Variants in PLEKHA1 observed in about 807,000 individuals in gnomAD.
PLEKHA1 encodes pleckstrin homology domain containing A1, also known as pleckstrin homology domain-containing family A member 1.
Under a neutral mutation model 52.0 loss-of-function variants are expected in PLEKHA1, and 34 were observed. The ratio of observed to expected loss-of-function variants is 0.65; its 90% CI spans 0.50 to 0.87. PLEKHA1 has a LOEUF of 0.87. Ranked by LOEUF, PLEKHA1 falls within the 40% of genes least tolerant of loss-of-function variation. The probability of loss-of-function intolerance (pLI) is 0.00; values close to 1 mark genes in which losing one functional copy is unlikely to be tolerated. For synonymous variants in PLEKHA1, 163 were observed against 170.7 expected (o/e 0.95, Z 0.35); for missense variants, 497 against 504.2 (o/e 0.99, Z 0.14).
At chr10:122,380,393 A>G (rs2096598004) in intron 1 of PLEKHA1, among the ~76,000 whole-genome samples, 1 of 152,214 alleles carries the variant, frequency 6.6e-6, no homozygotes, top group African/African-American at 2.4e-5. Context: ...TCATTAGATA[A>G]TCAATAAATG....
downstream of PLEKHA1, chr10:122,434,184 A>G (rs917508708): frequency 1.3e-5 from 2 of 152,172 alleles, no homozygotes; most frequent in Non-Finnish European, 2.9e-5. Flanking sequence ...GGTCTTGTTG[A>G]TGCTGCTCCA....
rs2097127920 is a variant in PLEKHA1 at position 122,412,991 on chromosome 10, A to G, written c.414A>G (p.Gln138=). The change falls in exon 6 of 12, where the codon CAA becomes CAG. Residue 138 remains glutamine, a synonymous_variant. Coordinates refer to ENST00000368990, the MANE Select transcript of PLEKHA1 (RefSeq NM_001001974.4). ...LSRHGECGKK[Q]VSYRTDIVGG... is the part of the protein sequence containing the mutation. ...GCCATGGTGAATGTGGGAAAAAGCA[A>G]GTGTCTTACAGAACTGATATTGTTG... 6.2e-7 allele frequency: 1 copy of G among 1,613,590 alleles called. No homozygotes were observed. The highest frequency in any genetic ancestry group is 1.3e-5 in the African/African-American group (1 of 75,024).
At chr10:122,413,124 C>T in intron 6 of PLEKHA1, 79 bp downstream of exon 6, 2 of 1,245,282 alleles carry the variant, frequency 1.6e-6, no homozygotes, top group Non-Finnish European at 2.2e-6. Flanking sequence ...TAAAACAGTG[C>T]ATCTTTGCTT....
chr10:122,393,492 C>G lies in PLEKHA1; in HGVS notation c.141+151C>G. ...GTCCTCTCTGCCCTGCACCCCTGACCTCTACTGTTTTGTTTGAATTTCAGA... is the reference window on the plus strand; with the variant it reads ...GTCCTCTCTGCCCTGCACCCCTGACGTCTACTGTTTTGTTTGAATTTCAGA... On this transcript the variant is annotated intron_variant, in intron 2 of 11. Transcript: ENST00000368990. This position sits in a 1 kb window ranked among gnomAD's most constrained non-coding sequence, Gnocchi z 4.5. The G allele has an allele frequency of 1.6e-6, 1 of 628,652 alleles. No individual in the cohort carries two copies. The highest frequency in any genetic ancestry group is 2.3e-6 in the Non-Finnish European group (1 of 425,558). The allele number at this position is 628,652 out of a possible 1,614,324, so 38.9% of individuals were successfully genotyped here.
intron 9 of PLEKHA1, 117 bp from the exon 10 acceptor site, chr10:122,424,779 C>T (rs1038697058): frequency 3.2e-5 from 20 of 634,104 alleles, no homozygotes; most frequent in Non-Finnish European, 4.8e-5. Flanking sequence ...TTTGGGTTTG[C>T]TAAATCAGTG....
At chr10:122,380,703 A>T (rs527593620) in intron 1 of PLEKHA1, among the ~76,000 whole-genome samples, 224 of 152,292 alleles carry the variant, frequency 1.5e-3, no homozygotes, top group Non-Finnish European at 2.7e-3. Context: ...TTGGCCGAAC[A>T]TTAGAATGAT....
At chr10:122,407,451 G>GTATC (rs1254604683) in intron 5 of PLEKHA1, among the ~76,000 whole-genome samples, 1 of 152,168 alleles carries the variant, frequency 6.6e-6, no homozygotes, top group African/African-American at 2.4e-5. Flanking sequence ...GTTATAGCTG[G>GTATC]TAGATTATGG....
chr10:122,430,574 T>C lies in PLEKHA1; in HGVS notation c.*636T>C. Reference sequence around the variant, plus strand: ...ATAGAGAAAAGAAGAAAACTAGAATTGAAACAACTGTGTCTTAGACATTTG... The same window carrying C: ...ATAGAGAAAAGAAGAAAACTAGAATCGAAACAACTGTGTCTTAGACATTTG... On this transcript the variant is annotated 3_prime_UTR_variant, in exon 12 of 12. Transcript: ENST00000368990. 1 of 152,528 alleles carries C rather than the reference T, an allele frequency of 6.6e-6. No homozygotes were observed. Among genetic ancestry groups the C allele is most frequent in the Non-Finnish European group, 1.5e-5 (1 of 68,054 alleles). 9.4% of individuals were successfully genotyped at this position (152,528 alleles called of 1,614,324 possible).
At chr10:122,410,075 G>A (rs958589864) in intron 5 of PLEKHA1, among the ~76,000 whole-genome samples, 3 of 152,076 alleles carry the variant, frequency 2.0e-5, no homozygotes, top group Non-Finnish European at 4.4e-5. Flanking sequence ...GAGCCACCGC[G>A]CCTAGCCCAA....
In PLEKHA1 at chr10:122,393,371, A is replaced by C. The variant is rs1234678603; in HGVS notation, c.141+30A>C. On this transcript the variant is annotated intron_variant, in intron 2 of 11. Coordinates refer to ENST00000368990, the MANE Select transcript of PLEKHA1 (RefSeq NM_001001974.4). This position sits in a 1 kb window ranked among gnomAD's most constrained non-coding sequence, Gnocchi z 4.5. Reference sequence around the variant, plus strand: ...GTAAAATCCCAAGGATTATCTTTTAAAAGCACAGAAAGTTGTATTTAAGTA... The same window carrying C: ...GTAAAATCCCAAGGATTATCTTTTACAAGCACAGAAAGTTGTATTTAAGTA... 1.3e-6 allele frequency: 2 copies of C among 1,567,216 alleles called. No individual in the cohort carries two copies. Among genetic ancestry groups the C allele is most frequent in the Non-Finnish European group, 1.7e-6 (2 of 1,158,694 alleles).
At chr10:122,389,635 G>A (rs1455426291) in intron 1 of PLEKHA1, among the ~76,000 whole-genome samples, 1 of 152,136 alleles carries the variant, frequency 6.6e-6, no homozygotes, top group East Asian at 1.9e-4. Flanking sequence ...GCTTGAACCT[G>A]GGAGGTGGAG....
rs142473166 is a variant in PLEKHA1 at position 122,415,920 on chromosome 10, G to A, written c.530G>A (p.Ser177Asn). Residue 177 changes from serine to asparagine, a missense_variant, in exon 7 of 12, where the codon AGC becomes AAC. By Grantham distance (46) the Ser-to-Asn change is conservative. Coordinates refer to ENST00000368990, the MANE Select transcript of PLEKHA1 (RefSeq NM_001001974.4). ...AGAAATAATCTGAAACGGTCACAAAGCCATCTTCCTTACTTTACTCCTAAA... is the reference window on the plus strand; with the variant it reads ...AGAAATAATCTGAAACGGTCACAAAACCATCTTCCTTACTTTACTCCTAAA... ...IDRNNLKRSQ[S>N]HLPYFTPKPP... The A allele has an allele frequency of 1.5e-3, 2,403 of 1,613,482 alleles. 11 individuals are homozygous for A. Among genetic ancestry groups the A allele is most frequent in the Middle Eastern group, 0.013 (80 of 6,058 alleles).
chr10:122,417,614 C>A (rs1476341165), intron 7 of PLEKHA1, among the ~76,000 whole-genome samples: 7 of 147,422 alleles, frequency 4.7e-5, no homozygotes, highest in Non-Finnish European at 8.9e-5. Flanking sequence ...CCATTGCACT[C>A]CAGCCTGGGT....
intron 4 of PLEKHA1, among the ~76,000 whole-genome samples, chr10:122,405,428 G>A (rs1266324524): frequency 4.6e-5 from 7 of 151,878 alleles, no homozygotes; most frequent in African/African-American, 1.7e-4. Flanking sequence ...CAGGAGAAAC[G>A]TGGGTAAAGA....
chr10:122,425,909 A>G (rs2097332064), intron 10 of PLEKHA1, among the ~76,000 whole-genome samples: 1 of 152,132 alleles, frequency 6.6e-6, no homozygotes, highest in Non-Finnish European at 1.5e-5. Context: ...TTTTTATAAT[A>G]GGTGGGGTCA....
intron 4 of PLEKHA1, among the ~76,000 whole-genome samples, chr10:122,402,895 GGGCAGCCA>G (rs1477545743): frequency 6.6e-6 from 1 of 152,164 alleles, no homozygotes; most frequent in Non-Finnish European, 1.5e-5. Context: ...CCAGAGCACT[GGGCAGCCA>G]GGTTTAGGTG....
chr10:122,433,900 A>G (rs1358004225), downstream of PLEKHA1: 1 of 152,238 alleles, frequency 6.6e-6, no homozygotes, highest in East Asian at 1.9e-4. Flanking sequence ...CCAAGAACTT[A>G]TCTAGGTTTA....
intron 7 of PLEKHA1, among the ~76,000 whole-genome samples, chr10:122,417,604 C>T (rs974115585): frequency 6.8e-6 from 1 of 148,104 alleles, no homozygotes; most frequent in Non-Finnish European, 1.5e-5. Flanking sequence ...CGAGATCGCG[C>T]CATTGCACTC....
intron 9 of PLEKHA1, among the ~76,000 whole-genome samples, chr10:122,424,678 T>G (rs2097311789): frequency 6.6e-6 from 1 of 152,222 alleles, no homozygotes; most frequent in Admixed American, 6.5e-5. Flanking sequence ...CTAAAAACTC[T>G]GAACTTTAAA....
Sources: allele counts gnomAD v4.1 joint callset (sites outside exome capture counted in the v4.1 genomes callset), GRCh38; gene constraint gnomAD v4.1.1; non-coding constraint Gnocchi (gnomAD v3.1); transcripts MANE v1.5; gene names NCBI Gene and HGNC (gene_info 2026-07-23, HGNC 2026-07-21).